Variants in IGF2BP2 observed in about 807,000 individuals in gnomAD.
The protein encoded by IGF2BP2 is insulin like growth factor 2 mRNA binding protein 2, also known as insulin-like growth factor 2 mRNA-binding protein 2.
Under a neutral mutation model 75.8 loss-of-function variants are expected in IGF2BP2, and 17 were observed. The ratio of observed to expected loss-of-function variants is 0.22; its 90% CI spans 0.15 to 0.34. The LOEUF (loss-of-function observed/expected upper bound fraction) is 0.34, where lower values mean the gene tolerates loss of function less well. Among genes scored for constraint, IGF2BP2 ranks in the 10% least tolerant of loss-of-function variants. The pLI is 1.00. For missense variants in IGF2BP2, 516 were observed against 772.4 expected, an observed-to-expected ratio of 0.67 and a Z score of 3.93; for synonymous variants, 288 against 295.6, an observed-to-expected ratio of 0.97 and a Z score of 0.26.
chr3:185,791,253 T>C (rs963953914), intron 2 of IGF2BP2, among the ~76,000 whole-genome samples: 1 of 152,218 alleles, frequency 6.6e-6, no homozygotes, highest in Non-Finnish European at 1.5e-5. Flanking sequence ...GATCAATAAA[T>C]AAATCCAACT....
chr3:185,823,851 G>T (rs573706265), intron 1 of IGF2BP2, among the ~76,000 whole-genome samples: 1 of 151,828 alleles, frequency 6.6e-6, no homozygotes, highest in Non-Finnish European at 1.5e-5. Flanking sequence ...GAGAGTTGGG[G>T]AGTGCGCGCG....
chr3:185,794,270 G>GC (rs1322047321), intron 2 of IGF2BP2, among the ~76,000 whole-genome samples: 4 of 70,682 alleles, frequency 5.7e-5, no homozygotes, highest in Non-Finnish European at 8.6e-5. Flanking sequence ...CTGGCCCAGA[G>GC]CAGATCCTAG....
intron 2 of IGF2BP2, among the ~76,000 whole-genome samples, chr3:185,820,226 A>G (rs1157076449): frequency 0.042 from 4,055 of 97,148 alleles, 195 homozygotes; most frequent in African/African-American, 0.2. Context: ...GTATGTGTAT[A>G]TATACACATA....
intron 2 of IGF2BP2, among the ~76,000 whole-genome samples, chr3:185,709,447 T>C (rs1412996322): frequency 6.6e-6 from 1 of 152,212 alleles, no homozygotes; most frequent in Non-Finnish European, 1.5e-5. Flanking sequence ...CGCTGGCTTC[T>C]TTTTCCTGGC....
intron 4 of IGF2BP2, 67 bp from the exon 5 acceptor site, chr3:185,692,829 C>A (rs758443570): frequency 7.1e-7 from 1 of 1,412,678 alleles, no homozygotes; most frequent in South Asian, 1.2e-5. Context: ...TTAATGTAAA[C>A]AGACAAACTT....
At chr3:185,803,872 C>T (rs1404314742) in intron 2 of IGF2BP2, among the ~76,000 whole-genome samples, 1 of 152,212 alleles carries the variant, frequency 6.6e-6, no homozygotes, top group Non-Finnish European at 1.5e-5. Flanking sequence ...GCCTGTAATC[C>T]CAGCACTTTA....
In IGF2BP2 at chr3:185,689,498, C is replaced by A; in HGVS notation, c.534G>T (p.Glu178Asp). The change falls in exon 6 of 16, where the codon GAG becomes GAT. Residue 178 changes from glutamate (E) to aspartate (D), a missense_variant. This residue lies in a region of IGF2BP2 where 312 missense variants were observed against 474.5 expected (regional missense o/e 0.66). Transcript: ENST00000382199. ...RAQRGDHSSR[E>D]QGHAPGGTSQ... Reference sequence around the variant, plus strand: ...AAGTGCCCCCAGGGGCGTGGCCTTGCTCCCGGGAAGAGTGGTCCCCACGCT... The same window carrying A: ...AAGTGCCCCCAGGGGCGTGGCCTTGATCCCGGGAAGAGTGGTCCCCACGCT... 1.9e-6 allele frequency: 3 copies of A among 1,613,950 alleles called. No individual in the cohort carries two copies. In the South Asian group the frequency reaches 3.3e-5, roughly 18 times the overall value.
chr3:185,696,555 TAA>T, intron 4 of IGF2BP2, 55 bp downstream of exon 4: 10 of 1,457,112 alleles, frequency 6.9e-6, no homozygotes, highest in Non-Finnish European at 9.6e-6. Context: ...ACCTAACCTA[TAA>T]GAAATAACAG....
At chr3:185,823,349 T>C in intron 1 of IGF2BP2, 136 bp from the exon 2 acceptor site, 1 of 526,314 alleles carries the variant, frequency 1.9e-6, no homozygotes. Flanking sequence ...CGGATCGAGC[T>C]GGGCGAACTT....
intron 2 of IGF2BP2, among the ~76,000 whole-genome samples, chr3:185,784,367 G>A (rs970899227): frequency 6.6e-6 from 1 of 152,198 alleles, no homozygotes; most frequent in Non-Finnish European, 1.5e-5. Flanking sequence ...GAGAATTTCA[G>A]TAGAGATATT....
chr3:185,722,401 C>A, intron 2 of IGF2BP2: 1 of 371,390 alleles, frequency 2.7e-6, no homozygotes. Flanking sequence ...TCACGCTTTA[C>A]TACAGCATTG....
At chr3:185,771,648 G>A (rs554325639) in intron 2 of IGF2BP2, among the ~76,000 whole-genome samples, 6 of 151,866 alleles carry the variant, frequency 4.0e-5, no homozygotes, top group Non-Finnish European at 7.4e-5. Context: ...GGCTGCCGTC[G>A]CTTCTCAACA....
intron 10 of IGF2BP2, among the ~76,000 whole-genome samples, chr3:185,662,113 G>A (rs955221792): frequency 2.0e-5 from 3 of 152,174 alleles, no homozygotes; most frequent in African/African-American, 7.2e-5. Context: ...ATTCAGTGAG[G>A]TCACAGGAAT....
intron 15 of IGF2BP2, 82 bp downstream of exon 15, chr3:185,646,942 TG>T: frequency 9.7e-7 from 1 of 1,028,198 alleles, no homozygotes; most frequent in Non-Finnish European, 1.5e-6. Context: ...TCAGGGCCTG[TG>T]GCCACCTGAC....
chr3:185,698,837 A>C (rs1722927859), intron 2 of IGF2BP2, among the ~76,000 whole-genome samples: 1 of 149,206 alleles, frequency 6.7e-6, no homozygotes, highest in Non-Finnish European at 1.5e-5. Flanking sequence ...TTTTTTAAGA[A>C]GGGGTCTCAC....
chr3:185,809,653 A>G (rs1224191097), intron 2 of IGF2BP2, among the ~76,000 whole-genome samples: 1 of 152,150 alleles, frequency 6.6e-6, no homozygotes, highest in Non-Finnish European at 1.5e-5. Flanking sequence ...AGAAAGAAAA[A>G]AGAAAAAAAA....
chr3:185,765,231 CT>C (rs1370530532), intron 2 of IGF2BP2, among the ~76,000 whole-genome samples: 1 of 152,172 alleles, frequency 6.6e-6, no homozygotes, highest in African/African-American at 2.4e-5. Context: ...CTGTTTCCCC[CT>C]CCGTCCCTCC....
At chr3:185,761,349 G>A (rs982071893) in intron 2 of IGF2BP2, among the ~76,000 whole-genome samples, 3 of 152,272 alleles carry the variant, frequency 2.0e-5, no homozygotes, top group Non-Finnish European at 4.4e-5. Context: ...GATGGTCAGG[G>A]GAAATAAACA....
At chr3:185,804,057 G>C (rs1308232612) in intron 2 of IGF2BP2, among the ~76,000 whole-genome samples, 2 of 152,126 alleles carry the variant, frequency 1.3e-5, no homozygotes, top group Non-Finnish European at 2.9e-5. Context: ...AGGAGCTCAA[G>C]ACCAGCCTGG....
Sources: gnomAD v4.1 joint callset for allele counts (sites outside exome capture counted in the v4.1 genomes callset) on GRCh38, gnomAD v4.1.1 for gene constraint, gnomAD v4.1.1 regional missense constraint, MANE v1.5 for transcripts, NCBI Gene and HGNC (gene_info 2026-07-23, HGNC 2026-07-21) for gene names.